CCDC150: variants seen among roughly 807,000 people sequenced by gnomAD.
The protein encoded by CCDC150 is coiled-coil domain-containing protein 150.
CCDC150 carries 151 observed loss-of-function variants against 156.5 expected under a neutral mutation model. The observed-to-expected ratio is 0.97, with a 90% confidence interval of 0.85 to 1.10. The LOEUF (loss-of-function observed/expected upper bound fraction) is 1.10, where lower values mean the gene tolerates loss of function less well. Ranked by LOEUF, CCDC150 falls within the 50% of genes least tolerant of loss-of-function variation. CCDC150 has a pLI of 0.00. For synonymous variants in CCDC150, 452 were observed against 429.4 expected (o/e 1.05, Z -0.65); for missense variants, 1,312 against 1,268.1 (o/e 1.03, Z -0.53).
chr2:196,731,901 A>C, intron 26 of CCDC150, 132 bp from the exon 27 acceptor site: 1 of 739,978 alleles, frequency 1.4e-6, no homozygotes, highest in South Asian at 1.9e-5. Flanking sequence ...ATATTATGCA[A>C]ATAGGTTGTG....
intron 23 of CCDC150, 93 bp downstream of exon 23, chr2:196,729,480 C>A: frequency 1.8e-6 from 2 of 1,119,224 alleles, no homozygotes; most frequent in Non-Finnish European, 1.3e-6. Context: ...AGAACCCTAG[C>A]AGCCCCATGT....
At chr2:196,683,026 A>C (rs1371680692) in intron 13 of CCDC150, among the ~76,000 whole-genome samples, 1 of 151,920 alleles carries the variant, frequency 6.6e-6, no homozygotes, top group Admixed American at 6.6e-5. Context: ...TTTCGTATAT[A>C]ATTGCCTGAT....
rs560765996 is a variant in CCDC150, at chr2:196,708,732, T to A, written c.1696-3413T>A. Among the ~76,000 whole-genome samples, 13 of 152,352 alleles carry A rather than the reference T, an allele frequency of 8.5e-5. No homozygotes were observed. The South Asian group carries it at 2.7e-3, about 32-fold the overall frequency. Reference sequence around the variant, plus strand: ...GACAAAATATCTCAGCATTTGCTTGTCTGTAAAGGTTTTTATTTCTCCTTC... The same window carrying A: ...GACAAAATATCTCAGCATTTGCTTGACTGTAAAGGTTTTTATTTCTCCTTC... On this transcript the variant is annotated intron_variant, in intron 15 of 27. Transcript: ENST00000389175.
intron 17 of CCDC150, among the ~76,000 whole-genome samples, chr2:196,716,493 C>A (rs1697510062): frequency 6.6e-6 from 1 of 151,984 alleles, no homozygotes; most frequent in South Asian, 2.1e-4. Flanking sequence ...AGAAGTTATT[C>A]AAAAAAGAGT....
chr2:196,692,786 A>G (rs1695573386), intron 13 of CCDC150, among the ~76,000 whole-genome samples: 1 of 152,198 alleles, frequency 6.6e-6, no homozygotes, highest in African/African-American at 2.4e-5. Flanking sequence ...AATGAGAAGA[A>G]TGTATATTTG....
intron 2 of CCDC150, among the ~76,000 whole-genome samples, chr2:196,646,713 T>C (rs1692564294): frequency 6.6e-6 from 1 of 152,186 alleles, no homozygotes; most frequent in Admixed American, 6.5e-5. Flanking sequence ...TAAACAGATA[T>C]TTAAAATGTG....
rs895419461 is a variant in CCDC150 at position 196,721,613 on chromosome 2, A to G, written c.2351A>G (p.His784Arg). 3.1e-6 allele frequency: 5 copies of G among 1,607,482 alleles called. No homozygotes were observed. Among genetic ancestry groups the G allele is most frequent in the Non-Finnish European group, 4.2e-6 (5 of 1,177,118 alleles). The change falls in exon 21 of 28, where the codon CAT becomes CGT. Residue 784 changes from histidine to arginine, a missense_variant. Transcript: ENST00000389175. ...SLEQALQTNN[H>R]LQTKLDHIQE... ...GAACAAGCTCTCCAGACAAATAATC[A>G]TCTGCAAACAAAGCTAGATCACATT...
At chr2:196,726,788 A>G (rs1698233036) in intron 22 of CCDC150, 1 of 152,220 alleles carries the variant, frequency 6.6e-6, no homozygotes, top group Admixed American at 6.5e-5. Context: ...TAGAGCAGAG[A>G]CTTTGGAAAA....
chr2:196,678,475 C>T (rs1474606704), intron 13 of CCDC150, among the ~76,000 whole-genome samples: 1 of 152,190 alleles, frequency 6.6e-6, no homozygotes, highest in Non-Finnish European at 1.5e-5. Context: ...ATAGTCCACC[C>T]TAAAAATCCT....
chr2:196,706,248 T>C (rs913421789), intron 15 of CCDC150, among the ~76,000 whole-genome samples: 2 of 152,218 alleles, frequency 1.3e-5, no homozygotes, highest in African/African-American at 4.8e-5. Flanking sequence ...CCCTTGTAAG[T>C]TGGATTCCTA....
intron 7 of CCDC150, chr2:196,667,718 A>G (rs759328278): frequency 1.1e-4 from 16 of 152,222 alleles, no homozygotes; most frequent in Admixed American, 5.9e-4. Context: ...GGCTGCTGTA[A>G]TGGGGGCAGA....
intron 15 of CCDC150, among the ~76,000 whole-genome samples, chr2:196,704,916 G>A (rs1249026971): frequency 2.6e-5 from 4 of 152,178 alleles, no homozygotes; most frequent in Admixed American, 6.5e-5. Context: ...ATTGAATGGT[G>A]TATATGTGCC....
rs200161868 is a variant in CCDC150, at chr2:196,674,242, T to C, written c.1031T>C (p.Val344Ala). The change falls in exon 10 of 28, where the codon GTT (valine) becomes GCT (alanine). Residue 344 changes from valine (V) to alanine (A), a missense_variant and splice_region_variant. Transcript: ENST00000389175. ...GACTTGCTGTGTGTGTTTTCTTAGG[T>C]TTTGAATGACCAATTGACTAAAAAG... is the stretch of plus-strand genomic sequence containing the variant. ...SLHEASEKAQ[V>A]LNDQLTKKCS... is the part of the protein sequence containing the mutation. 3 of 1,582,320 alleles carry C rather than the reference T, an allele frequency of 1.9e-6. No individual in the cohort carries two copies. The highest frequency in any genetic ancestry group is 2.6e-6 in the Non-Finnish European group (3 of 1,160,456).
At chr2:196,725,631 G>T (rs1310385309) in intron 21 of CCDC150, among the ~76,000 whole-genome samples, 2 of 152,198 alleles carry the variant, frequency 1.3e-5, no homozygotes, top group African/African-American at 2.4e-5. Context: ...TAATCACTTT[G>T]CTATAATGTT....
At chr2:196,677,135 C>G (rs761968612) in intron 12 of CCDC150, 158 bp from the exon 13 acceptor site, 27 of 712,474 alleles carry the variant, frequency 3.8e-5, no homozygotes, top group South Asian at 3.7e-4. Context: ...GAAGTCTGCT[C>G]TGCCTCAGAG....
intron 2 of CCDC150, among the ~76,000 whole-genome samples, 155 bp from the exon 3 acceptor site, chr2:196,656,478 G>C (rs980408348): frequency 6.6e-6 from 1 of 152,196 alleles, no homozygotes; most frequent in African/African-American, 2.4e-5. Flanking sequence ...TGATTAGTGT[G>C]TCCCTATGTG....
intron 15 of CCDC150, among the ~76,000 whole-genome samples, chr2:196,711,149 T>A (rs1195829957): frequency 5.3e-5 from 8 of 152,204 alleles, no homozygotes; most frequent in Admixed American, 2.0e-4. Flanking sequence ...ATAGCATATA[T>A]ACTGAAAAGT....
At chr2:196,732,296 CT>C (rs776170925) in intron 27 of CCDC150, 144 bp downstream of exon 27, 25 of 1,169,270 alleles carry the variant, frequency 2.1e-5, no homozygotes, top group Non-Finnish European at 2.8e-5. Context: ...CAATTAATTT[CT>C]TTTTTTTACA....
intron 7 of CCDC150, among the ~76,000 whole-genome samples, chr2:196,668,989 A>T (rs144034788): frequency 6.6e-6 from 1 of 152,330 alleles, no homozygotes; most frequent in East Asian, 1.9e-4. Flanking sequence ...GTGAAACAAG[A>T]CTGATATGAA....
Sources: gnomAD v4.1 joint callset for allele counts (sites outside exome capture counted in the v4.1 genomes callset) on GRCh38, gnomAD v4.1.1 for gene constraint, MANE v1.5 for transcripts, NCBI Gene and HGNC (gene_info 2026-07-23, HGNC 2026-07-21) for gene names.